Variants in ZNF804B observed in about 807,000 individuals in gnomAD.
ZNF804B encodes the protein zinc finger 804B.
Under a neutral mutation model 101.4 loss-of-function variants are expected in ZNF804B, and 80 were observed. That is an observed-to-expected ratio of 0.79 (90% CI 0.66 to 0.95). The LOEUF (loss-of-function observed/expected upper bound fraction) is 0.95. Ranked by LOEUF, ZNF804B falls within the 40% of genes least tolerant of loss-of-function variation. The probability of loss-of-function intolerance (pLI) is 0.00; values close to 1 mark genes in which losing one functional copy is unlikely to be tolerated. For missense variants in ZNF804B, 1,673 were observed against 1,561.9 expected (o/e 1.07, Z -1.20); for synonymous variants, 622 against 558.8 (o/e 1.11, Z -1.59).
rs201174019 is a variant in ZNF804B, at chr7:88,987,571, C to CT, written c.108+227496dup. On this transcript the variant is annotated intron_variant, in intron 1 of 3. Coordinates refer to ENST00000333190, the MANE Select transcript of ZNF804B (RefSeq NM_181646.5). ...GTATAGGCAGGGCAAGATAAAAACA[C>CT]TTTTTTTTTAAACAACACTAGTTAA... 2.6e-3 allele frequency among the ~76,000 whole-genome samples: 399 copies of CT among 151,270 alleles called. 7 individuals are homozygous for CT. The highest frequency in any genetic ancestry group is 0.02 in the Admixed American group (309 of 15,170).
intron 2 of ZNF804B, among the ~76,000 whole-genome samples, chr7:89,300,606 G>A (rs969778393): frequency 6.6e-6 from 1 of 151,842 alleles, no homozygotes; most frequent in African/African-American, 2.4e-5. Context: ...GCATATTTGA[G>A]TCATAGAAAA....
intron 2 of ZNF804B, among the ~76,000 whole-genome samples, chr7:89,320,436 A>G (rs1021008270): frequency 6.6e-6 from 1 of 152,158 alleles, no homozygotes; most frequent in Non-Finnish European, 1.5e-5. Context: ...GAAATAATCA[A>G]TGAACTTGAA....
chr7:89,282,938 A>G (rs548352151), intron 2 of ZNF804B, among the ~76,000 whole-genome samples: 19 of 152,286 alleles, frequency 1.2e-4, no homozygotes, highest in African/African-American at 4.6e-4. Context: ...GGCTGCCAGA[A>G]CTTTGAAAGA....
intron 1 of ZNF804B, among the ~76,000 whole-genome samples, chr7:89,177,791 G>A (rs570979496): frequency 3.0e-4 from 46 of 151,968 alleles, no homozygotes; most frequent in African/African-American, 9.4e-4. Flanking sequence ...CGTTGCTCAC[G>A]CCTGTAATCC....
At chr7:89,063,147 T>G (rs570450587) in intron 1 of ZNF804B, among the ~76,000 whole-genome samples, 2 of 152,244 alleles carry the variant, frequency 1.3e-5, no homozygotes, top group East Asian at 3.9e-4. Flanking sequence ...TGTTCAACTA[T>G]AGTAGAAGTA....
intron 1 of ZNF804B, among the ~76,000 whole-genome samples, chr7:88,922,229 G>A (rs945842041): frequency 2.6e-4 from 40 of 151,910 alleles, no homozygotes; most frequent in African/African-American, 7.5e-4. Context: ...TCATTTTATC[G>A]CTATTAGCTT....
chr7:89,243,593 A>G (rs1789400751), intron 2 of ZNF804B, among the ~76,000 whole-genome samples: 1 of 151,862 alleles, frequency 6.6e-6, no homozygotes, highest in Non-Finnish European at 1.5e-5. Context: ...GTAGGAAAGA[A>G]TGTTGTGTAC....
intron 1 of ZNF804B, among the ~76,000 whole-genome samples, chr7:89,166,859 T>G (rs1178867054): frequency 6.6e-6 from 1 of 152,182 alleles, no homozygotes; most frequent in Non-Finnish European, 1.5e-5. Flanking sequence ...ATGAAATTAT[T>G]ACAGCAGTAT....
chr7:89,229,677 A>T (rs933000305), intron 2 of ZNF804B, among the ~76,000 whole-genome samples: 1 of 152,234 alleles, frequency 6.6e-6, no homozygotes, highest in African/African-American at 2.4e-5. Context: ...AATCAGTAAG[A>T]ACATAGTTGA....
chr7:89,212,290 A>ACACACACACACACAC (rs1491050529), intron 1 of ZNF804B, among the ~76,000 whole-genome samples: 10 of 97,012 alleles, frequency 1.0e-4, no homozygotes, highest in African/African-American at 3.3e-4. Flanking sequence ...CACACACACA[A>ACACACACACACACAC]ACAGACTGCA....
chr7:89,083,685 A>G (rs1024070963), intron 1 of ZNF804B, among the ~76,000 whole-genome samples: 3 of 151,932 alleles, frequency 2.0e-5, no homozygotes, highest in African/African-American at 7.2e-5. Flanking sequence ...ATATAACTTA[A>G]GTACAATAAT....
At chr7:88,886,174 A>C (rs1390494215) in intron 1 of ZNF804B, among the ~76,000 whole-genome samples, 1 of 152,126 alleles carries the variant, frequency 6.6e-6, no homozygotes, top group Non-Finnish European at 1.5e-5. Context: ...CATTTATTCC[A>C]AAATTTTATC....
chr7:89,052,423 G>A (rs1789220892), intron 1 of ZNF804B, among the ~76,000 whole-genome samples: 1 of 152,118 alleles, frequency 6.6e-6, no homozygotes, highest in Non-Finnish European at 1.5e-5. Context: ...GTGCTAGATT[G>A]CATATATGAA....
chr7:89,095,356 T>C (rs765421845), intron 1 of ZNF804B, among the ~76,000 whole-genome samples: 1 of 152,158 alleles, frequency 6.6e-6, no homozygotes, highest in African/African-American at 2.4e-5. Context: ...CCTCTAGAAC[T>C]GTGAGAAATA....
At chr7:89,209,046 T>C (rs750336109) in intron 1 of ZNF804B, among the ~76,000 whole-genome samples, 4 of 152,000 alleles carry the variant, frequency 2.6e-5, no homozygotes, top group Non-Finnish European at 4.4e-5. Context: ...TAATAATCCC[T>C]GTTCAATTGC....
At chr7:88,909,036 G>A (rs542090930) in intron 1 of ZNF804B, among the ~76,000 whole-genome samples, 2 of 151,792 alleles carry the variant, frequency 1.3e-5, no homozygotes, top group South Asian at 4.2e-4. Context: ...ACTTACTGAA[G>A]ATAGATGGAA....
chr7:88,804,219 G>A (rs531628803), intron 1 of ZNF804B, among the ~76,000 whole-genome samples: 1 of 152,230 alleles, frequency 6.6e-6, no homozygotes, highest in South Asian at 2.1e-4. Flanking sequence ...ACATTTGTCA[G>A]TAAGAAGAAT....
At chr7:89,079,113 A>G (rs1392332318) in intron 1 of ZNF804B, among the ~76,000 whole-genome samples, 1 of 152,062 alleles carries the variant, frequency 6.6e-6, no homozygotes, top group Non-Finnish European at 1.5e-5. Context: ...AGATATGTGT[A>G]TCCATTTAGC....
chr7:89,000,976 TAATA>T (rs529656061), intron 1 of ZNF804B, among the ~76,000 whole-genome samples: 1 of 147,478 alleles, frequency 6.8e-6, no homozygotes, highest in Non-Finnish European at 1.5e-5. Context: ...TATAATCATA[TAATA>T]AATGTACAAT....
Sources: gnomAD v4.1 joint callset for allele counts (sites outside exome capture counted in the v4.1 genomes callset) on GRCh38, gnomAD v4.1.1 for gene constraint, MANE v1.5 for transcripts, NCBI Gene and HGNC (gene_info 2026-07-23, HGNC 2026-07-21) for gene names.